The following NALCN variants were observed in gnomAD, a reference collection of about 807,000 sequenced individuals.
NALCN encodes sodium leak channel NALCN.
NALCN carries 111 observed loss-of-function variants against 225.3 expected under a neutral mutation model. That is an observed-to-expected ratio of 0.49 (90% CI 0.42 to 0.58). The LOEUF (loss-of-function observed/expected upper bound fraction) is 0.58. Among genes scored for constraint, NALCN ranks in the 20% least tolerant of loss-of-function variants. The pLI is 0.00. For synonymous variants in NALCN, 764 were observed against 769.0 expected, an observed-to-expected ratio of 0.99 and a Z score of 0.11; for missense variants, 1,378 against 2,202.4, an observed-to-expected ratio of 0.63 and a Z score of 7.49.
chr13:101,172,621 G>A (rs978983978), intron 15 of NALCN, among the ~76,000 whole-genome samples: 3 of 152,076 alleles, frequency 2.0e-5, no homozygotes, highest in Admixed American at 1.3e-4. Context: ...GTACAGTGGC[G>A]CCATCTTGGC....
At chr13:101,368,494 A>G (rs1438423842) in intron 6 of NALCN, 1 of 152,134 alleles carries the variant, frequency 6.6e-6, no homozygotes, top group East Asian at 1.9e-4. Context: ...AGCAGCAAAA[A>G]AAGTCATAGT....
intron 17 of NALCN, chr13:101,142,713 G>T (rs1051791887): frequency 2.7e-5 from 7 of 256,974 alleles, no homozygotes; most frequent in African/African-American, 1.6e-4. Context: ...TATCCTCTCT[G>T]ATGTAATAAG....
chr13:101,253,032 AT>A lies in NALCN; in HGVS notation c.1266+5410del, dbSNP rs530437717. On this transcript the variant is annotated intron_variant, in intron 11 of 43. Coordinates refer to ENST00000251127, the MANE Select transcript of NALCN (RefSeq NM_052867.4). ...TTTATTTCTTAAGAAAATAATATAT[AT>A]TTTAAAATGTAATCATGTTCATTAT... is the stretch of plus-strand genomic sequence containing the variant. Among the ~76,000 whole-genome samples the A allele has an allele frequency of 1.8e-3, 273 of 152,200 alleles. 1 individual carries two copies. Among genetic ancestry groups the A allele is most frequent in the Middle Eastern group, 0.01 (3 of 290 alleles).
At chr13:101,312,104 G>A (rs9518371) in intron 7 of NALCN, among the ~76,000 whole-genome samples, 17,999 of 152,094 alleles carry the variant, frequency 0.12, 1,407 homozygotes, top group East Asian at 0.37. Flanking sequence ...TGTACGTGTC[G>A]AGGAATTTAT....
intron 17 of NALCN, among the ~76,000 whole-genome samples, chr13:101,125,722 G>A (rs1324501269): frequency 6.6e-6 from 1 of 152,160 alleles, no homozygotes; most frequent in African/African-American, 2.4e-5. Context: ...TGGACTAGTC[G>A]GCAAAGGCTT....
intron 15 of NALCN, among the ~76,000 whole-genome samples, chr13:101,158,796 T>C (rs1285625058): frequency 1.3e-5 from 2 of 152,194 alleles, no homozygotes; most frequent in African/African-American, 4.8e-5. Context: ...AAGTCCTCTC[T>C]TGCGCTTTGG....
chr13:101,234,866 T>C (rs1488114913), intron 12 of NALCN, among the ~76,000 whole-genome samples: 2 of 152,046 alleles, frequency 1.3e-5, no homozygotes, highest in African/African-American at 4.8e-5. Flanking sequence ...TACCTATCTA[T>C]CTATCTATCA....
chr13:101,090,555 T>C (rs1367324034), intron 28 of NALCN, among the ~76,000 whole-genome samples: 1 of 152,150 alleles, frequency 6.6e-6, no homozygotes, highest in Non-Finnish European at 1.5e-5. Context: ...AGGTGTTTGC[T>C]TGTAGTATGT....
intron 28 of NALCN, among the ~76,000 whole-genome samples, chr13:101,092,139 G>C (rs564834059): frequency 1.3e-5 from 2 of 152,140 alleles, no homozygotes; most frequent in South Asian, 4.1e-4. Flanking sequence ...TGGTTAATTT[G>C]TGAAATATTG....
chr13:101,372,014 T>A (rs1268369091), intron 6 of NALCN, among the ~76,000 whole-genome samples: 1 of 152,122 alleles, frequency 6.6e-6, no homozygotes, highest in Non-Finnish European at 1.5e-5. Flanking sequence ...TATTTCAGAG[T>A]TACACATTAC....
intron 13 of NALCN, among the ~76,000 whole-genome samples, chr13:101,208,148 G>A (rs1161394987): frequency 1.3e-5 from 2 of 152,162 alleles, no homozygotes; most frequent in African/African-American, 4.8e-5. Context: ...TCACCACGAA[G>A]GTCTGCAGCT....
At position 101,116,251 on chromosome 13, in the gene NALCN, CT is replaced by C. The variant is rs893707120; in HGVS notation, c.2193-5026del. ...GAAAAAATAATATGAAAGATTGATC[CT>C]TTTTTTTCCCCCTGCATTGCCTTTG... is the stretch of plus-strand genomic sequence containing the variant. On this transcript the variant is annotated intron_variant, in intron 18 of 43. Transcript: ENST00000251127. Among the ~76,000 whole-genome samples the C allele has an allele frequency of 1.6e-3, 239 of 151,182 alleles. 3 individuals carry two copies. Among genetic ancestry groups the C allele is most frequent in the African/African-American group, 5.4e-3 (220 of 41,078 alleles).
intron 26 of NALCN, among the ~76,000 whole-genome samples, chr13:101,101,683 G>C (rs2034831522): frequency 6.6e-6 from 1 of 152,244 alleles, no homozygotes; most frequent in South Asian, 2.1e-4. Context: ...ATGCATAGAG[G>C]AGAGGAGAGA....
chr13:101,380,086 T>TAC (rs1173214830), intron 3 of NALCN, among the ~76,000 whole-genome samples: 7 of 151,882 alleles, frequency 4.6e-5, no homozygotes, highest in Non-Finnish European at 1.0e-4. Flanking sequence ...TATATACACA[T>TAC]ATATACATTT....
chr13:101,067,250 TGAGGTGGAAGAG>T (rs1594130637), intron 39 of NALCN, among the ~76,000 whole-genome samples: 2 of 96,728 alleles, frequency 2.1e-5, no homozygotes, highest in South Asian at 3.8e-4. Flanking sequence ...GGGGGGAAGA[TGAGGTGGAAGAG>T]GAGGTGGACG....
At chr13:101,390,517 CA>C (rs1293603020) in intron 3 of NALCN, among the ~76,000 whole-genome samples, 2 of 151,936 alleles carry the variant, frequency 1.3e-5, no homozygotes, top group Admixed American at 6.6e-5. Context: ...GAAAACAATG[CA>C]ATAAAATAAA....
intron 6 of NALCN, among the ~76,000 whole-genome samples, chr13:101,374,797 A>G (rs562260678): frequency 2.0e-5 from 3 of 152,244 alleles, no homozygotes; most frequent in South Asian, 2.1e-4. Flanking sequence ...CAAAATCTCT[A>G]CCTTTTTGGA....
rs570626306 is a variant in NALCN, at chr13:101,314,054, C to T, written c.800-21688G>A. ...GAAACCATCATTCTCAGCAAACTAT[C>T]GCAAGGACAAAAAATCAAACACCGC... On this transcript the variant is annotated intron_variant, in intron 7 of 43. Transcript: ENST00000251127. Among the ~76,000 whole-genome samples, 10 of 150,732 alleles carry T rather than the reference C, an allele frequency of 6.6e-5. No individual in the cohort carries two copies. In the South Asian group the frequency reaches 1.9e-3, roughly 28 times the overall value.
chr13:101,170,083 A>C (rs3916905), intron 15 of NALCN, among the ~76,000 whole-genome samples: 37,800 of 152,144 alleles, frequency 0.25, 5,448 homozygotes, highest in Non-Finnish European at 0.33. Context: ...ATGGACATGC[A>C]AATGAGAGCT....
Sources: gnomAD v4.1 joint callset for allele counts (sites outside exome capture counted in the v4.1 genomes callset) on GRCh38, gnomAD v4.1.1 for gene constraint, MANE v1.5 for transcripts, NCBI Gene and HGNC (gene_info 2026-07-23, HGNC 2026-07-21) for gene names.